GPATCH11: variants seen among roughly 807,000 people sequenced by gnomAD.
GPATCH11 encodes the protein G-patch domain containing 11.
Under a neutral mutation model 44.8 loss-of-function variants are expected in GPATCH11, and 32 were observed. The ratio of observed to expected loss-of-function variants is 0.71; its 90% CI spans 0.54 to 0.96. The LOEUF (loss-of-function observed/expected upper bound fraction) is 0.96. Ranked by LOEUF, GPATCH11 falls within the 40% of genes least tolerant of loss-of-function variation. The probability of loss-of-function intolerance (pLI) is 0.00; values close to 1 mark genes in which losing one functional copy is unlikely to be tolerated. For missense variants in GPATCH11, 324 were observed against 303.1 expected, an observed-to-expected ratio of 1.07 and a Z score of -0.51; for synonymous variants, 84 against 94.4, an observed-to-expected ratio of 0.89 and a Z score of 0.64.
chr2:37,089,630 C>G lies in GPATCH11; in HGVS notation c.60-10C>G. 6.5e-7 allele frequency: 1 copy of G among 1,535,566 alleles called. No homozygotes were observed. The highest frequency in any genetic ancestry group is 8.8e-7 in the Non-Finnish European group (1 of 1,134,422). On this transcript the variant is annotated splice_polypyrimidine_tract_variant and intron_variant, in intron 2 of 8. Coordinates refer to ENST00000674370, the MANE Select transcript of GPATCH11 (RefSeq NM_174931.4). ...TGGACTCATCTAAAATAAACTTTTC[C>G]CTTATTCAGAGAAGATATCAGACCA...
chr2:37,089,605 T>G (rs1046378136), intron 2 of GPATCH11, 35 bp from the exon 3 acceptor site: 2 of 1,346,384 alleles, frequency 1.5e-6, no homozygotes, highest in African/African-American at 3.0e-5. Context: ...GAAAACTTTA[T>G]GGACTCATCT....
rs1436287643 is a variant in GPATCH11, at chr2:37,098,080, T to C, written c.*1817T>C. On this transcript the variant is annotated 3_prime_UTR_variant, in exon 9 of 9. Transcript: ENST00000674370. ...GTTCACTCCTGTAATCCCAGCACTT[T>C]AGGACGCCAAGGCAGGCAGATCACT... The C allele has an allele frequency of 6.6e-6, 1 of 152,134 alleles. No individual in the cohort carries two copies. Among genetic ancestry groups the C allele is most frequent in the Non-Finnish European group, 1.5e-5 (1 of 68,014 alleles). The allele number at this position is 152,134 out of a possible 1,614,324, so 9.4% of individuals were successfully genotyped here. A position where few individuals can be genotyped will look rare whatever the true frequency, so the allele number is the denominator to read the frequency against.
chr2:37,093,625 T>C (rs1196228875), intron 6 of GPATCH11, among the ~76,000 whole-genome samples: 1 of 152,218 alleles, frequency 6.6e-6, no homozygotes, highest in East Asian at 1.9e-4. Flanking sequence ...TTCTAAAGAA[T>C]TGGACTTTGC....
At chr2:37,085,981 T>C (rs1673012870) in intron 1 of GPATCH11, among the ~76,000 whole-genome samples, 1 of 152,222 alleles carries the variant, frequency 6.6e-6, no homozygotes, top group South Asian at 2.1e-4. Flanking sequence ...TGTGACCTTC[T>C]CCATAGAGCT....
In GPATCH11 at chr2:37,092,053, G is replaced by A. The variant is rs1487365420; in HGVS notation, c.449+17G>A. 2 of 1,611,954 alleles carry A rather than the reference G, an allele frequency of 1.2e-6. No homozygotes were observed. The highest frequency in any genetic ancestry group is 1.7e-6 in the Non-Finnish European group (2 of 1,178,692). The stretch of plus-strand genomic sequence containing the variant: ...ACAGTTTCGGTAAAACTATTTTTGA[G>A]CTGGTTTTGGTTCTATTTCCTCTTT... On this transcript the variant is annotated intron_variant, in intron 5 of 8. Coordinates refer to ENST00000674370, the MANE Select transcript of GPATCH11 (RefSeq NM_174931.4).
intron 8 of GPATCH11, among the ~76,000 whole-genome samples, chr2:37,095,855 A>G (rs1056655468): frequency 1.3e-5 from 2 of 152,154 alleles, no homozygotes; most frequent in South Asian, 2.1e-4. Flanking sequence ...TTTAGAGCTA[A>G]TTTTTATATA....
At chr2:37,088,532 T>C in intron 2 of GPATCH11, 92 bp downstream of exon 2, 1 of 700,408 alleles carries the variant, frequency 1.4e-6, no homozygotes, top group Admixed American at 2.7e-5. Flanking sequence ...TTTTATTTTT[T>C]TGAGACAGGG....
chr2:37,090,876 AG>A (rs1316783068), intron 4 of GPATCH11, among the ~76,000 whole-genome samples, 154 bp downstream of exon 4: 1 of 152,234 alleles, frequency 6.6e-6, no homozygotes, highest in African/African-American at 2.4e-5. Flanking sequence ...CAACCAGAAA[AG>A]AAATAAGTTT....
At chr2:37,087,117 C>T (rs910103627) in intron 1 of GPATCH11, among the ~76,000 whole-genome samples, 5 of 152,172 alleles carry the variant, frequency 3.3e-5, no homozygotes, top group Non-Finnish European at 7.3e-5. Context: ...GACCTTCTTT[C>T]CCCCACAACC....
chr2:37,096,290 G>A lies in GPATCH11; in HGVS notation c.*27G>A. On this transcript the variant is annotated 3_prime_UTR_variant, in exon 9 of 9. Coordinates refer to ENST00000674370, the MANE Select transcript of GPATCH11 (RefSeq NM_174931.4). ...ATTATTCCCAATAAAGTGGAAACTT[G>A]AAAAATGTTATTACTTCCTAGGGAT... 1 of 1,456,362 alleles carries A rather than the reference G, an allele frequency of 6.9e-7. No individual in the cohort carries two copies. Among genetic ancestry groups the A allele is most frequent in the Non-Finnish European group, 9.4e-7 (1 of 1,061,432 alleles). The allele number at this position is 1,456,362 out of a possible 1,614,324, so 90.2% of individuals were successfully genotyped here. A position where few individuals can be genotyped will look rare whatever the true frequency, so the allele number is the denominator to read the frequency against.
intron 3 of GPATCH11, 142 bp downstream of exon 3, chr2:37,090,008 C>G: frequency 1.5e-6 from 1 of 660,684 alleles, no homozygotes; most frequent in South Asian, 2.0e-5. Flanking sequence ...TATTAACAAG[C>G]CTTATGGAGA....
chr2:37,090,969 T>C (rs1673289498), intron 4 of GPATCH11, among the ~76,000 whole-genome samples: 1 of 152,222 alleles, frequency 6.6e-6, no homozygotes, highest in Non-Finnish European at 1.5e-5. Flanking sequence ...AATACTGTTT[T>C]TGTCCATTGA....
rs185904752 is a variant in GPATCH11 at position 37,084,762 on chromosome 2, G to A, written c.-14+192G>A. On this transcript the variant is annotated intron_variant, in intron 1 of 8. Coordinates refer to ENST00000674370, the MANE Select transcript of GPATCH11 (RefSeq NM_174931.4). ...GCGGTTCCTGAGCGTAGTATTGAGA[G>A]TGGGACGTTTCTTGTCACATTTATA... 2.6e-5 allele frequency among the ~76,000 whole-genome samples: 4 copies of A among 152,290 alleles called. No homozygotes were observed. The East Asian group carries it at 5.8e-4, about 22-fold the overall frequency.
Position 37,097,359 on chromosome 2 carries a change from A to T in GPATCH11, c.*1096A>T, listed in dbSNP as rs545714337. The T allele has an allele frequency of 1.3e-5, 2 of 152,342 alleles. No homozygotes were observed. The highest frequency in any genetic ancestry group is 4.1e-4 in the South Asian group (2 of 4,826). The allele number at this position is 152,342 out of a possible 1,614,324, so 9.4% of individuals were successfully genotyped here. On this transcript the variant is annotated 3_prime_UTR_variant, in exon 9 of 9. Transcript: ENST00000674370. Reference sequence around the variant, plus strand: ...AGGACATACCGTGTGGCATACTATGAGAGAGCTCCATCCAGGGTGAGGCAT... The same window carrying T: ...AGGACATACCGTGTGGCATACTATGTGAGAGCTCCATCCAGGGTGAGGCAT...
At position 37,098,936 on chromosome 2, in the gene GPATCH11, G is replaced by A. The variant is rs1017731428; in HGVS notation, c.*2673G>A. ...AATATGAGTAACAAGTTATTTTTAGGCCTTTTATGACTTTATAAATAGGCA... is the reference window on the plus strand; with the variant it reads ...AATATGAGTAACAAGTTATTTTTAGACCTTTTATGACTTTATAAATAGGCA... On this transcript the variant is annotated 3_prime_UTR_variant, in exon 9 of 9. Coordinates refer to ENST00000674370, the MANE Select transcript of GPATCH11 (RefSeq NM_174931.4). 4 of 152,116 alleles carry A rather than the reference G, an allele frequency of 2.6e-5. No individual in the cohort carries two copies. The highest frequency in any genetic ancestry group is 9.7e-5 in the African/African-American group (4 of 41,426). The allele number at this position is 152,116 out of a possible 1,614,324, so 9.4% of individuals were successfully genotyped here.
chr2:37,086,091 C>T (rs1673023992), intron 1 of GPATCH11, among the ~76,000 whole-genome samples: 1 of 152,168 alleles, frequency 6.6e-6, no homozygotes, highest in Non-Finnish European at 1.5e-5. Flanking sequence ...ACCAAAAAAT[C>T]AACTCCATCA....
chr2:37,094,254 G>GTGGT, intron 7 of GPATCH11, 59 bp downstream of exon 7: 1 of 1,027,334 alleles, frequency 9.7e-7, no homozygotes, highest in Non-Finnish European at 1.5e-6. Context: ...TTAGCACTTT[G>GTGGT]AGTTGTGGTA....
chr2:37,095,592 G>A (rs1245733982), intron 8 of GPATCH11, 74 bp downstream of exon 8: 1 of 1,406,908 alleles, frequency 7.1e-7, no homozygotes, highest in Non-Finnish European at 9.3e-7. Flanking sequence ...ATTTCCCACT[G>A]ACAATGGAAA....
Position 37,099,087 on chromosome 2 carries a change from T to C in GPATCH11, c.*2824T>C, listed in dbSNP as rs1673754345. On this transcript the variant is annotated 3_prime_UTR_variant, in exon 9 of 9. Coordinates refer to ENST00000674370, the MANE Select transcript of GPATCH11 (RefSeq NM_174931.4). Reference sequence around the variant, plus strand: ...TGTCATGTTGTCATTTACTTTTGTGTATATTGTGCCATGTTTATTTTCAAA... The same window carrying C: ...TGTCATGTTGTCATTTACTTTTGTGCATATTGTGCCATGTTTATTTTCAAA... 6.6e-6 allele frequency: 1 copy of C among 152,258 alleles called. No homozygotes were observed. Among genetic ancestry groups the C allele is most frequent in the Non-Finnish European group, 1.5e-5 (1 of 68,044 alleles). 9.4% of individuals were successfully genotyped at this position (152,258 alleles called of 1,614,324 possible).
Sources: allele counts gnomAD v4.1 joint callset (sites outside exome capture counted in the v4.1 genomes callset), GRCh38; gene constraint gnomAD v4.1.1; transcripts MANE v1.5; gene names NCBI Gene and HGNC (gene_info 2026-07-23, HGNC 2026-07-21).